TEX14: variants seen among roughly 807,000 people sequenced by gnomAD.
TEX14 encodes inactive serine/threonine-protein kinase TEX14.
Under a neutral mutation model 178.6 loss-of-function variants are expected in TEX14, and 168 were observed. The ratio of observed to expected loss-of-function variants is 0.94; its 90% CI spans 0.83 to 1.07. The LOEUF is 1.07. TEX14 is among the 50% of genes least tolerant of loss of function. The pLI, the probability that TEX14 is intolerant of heterozygous loss-of-function variation, is 0.00. For synonymous variants in TEX14, 626 were observed against 634.1 expected, an observed-to-expected ratio of 0.99 and a Z score of 0.19; for missense variants, 1,730 against 1,753.6, an observed-to-expected ratio of 0.99 and a Z score of 0.24.
chr17:58,575,456 G>A (rs1272240733), intron 21 of TEX14, among the ~76,000 whole-genome samples: 1 of 152,088 alleles, frequency 6.6e-6, no homozygotes, highest in Non-Finnish European at 1.5e-5. Flanking sequence ...TGAGACCAGT[G>A]ATATAAATGA....
At position 58,621,771 on chromosome 17, in the gene TEX14, G is replaced by C. The variant is rs1000995923; in HGVS notation, c.433C>G (p.Gln145Glu). 6.2e-7 allele frequency: 1 copy of C among 1,613,682 alleles called. No homozygotes were observed. Among genetic ancestry groups the C allele is most frequent in the Admixed American group, 1.7e-5 (1 of 59,908 alleles). ...ERSTQIVEFM[Q>E]RCASHMQAII... ...GCCTGCATGTGTGAGGCACAGCGCT[G>C]CATGAACTCCACTATCTGCAAAACA... The change falls in exon 5 of 32, where the codon CAG (glutamine) becomes GAG (glutamate). Residue 145 changes from glutamine (Q) to glutamate (E), a missense_variant. By Grantham distance (29) the Gln-to-Glu change is conservative. Around this residue, in one of 2 missense-constraint regions of TEX14, gnomAD observed 789 missense variants for 681.2 expected, o/e 1.16. Coordinates refer to ENST00000349033, the MANE Select transcript of TEX14 (RefSeq NM_031272.5).
At chr17:58,679,700 G>A (rs542232538) in intron 1 of TEX14, 52 of 152,250 alleles carry the variant, frequency 3.4e-4, no homozygotes, top group African/African-American at 1.1e-3. Context: ...TGAGTCCCCA[G>A]CGCTGCCTGA....
intron 15 of TEX14, 107 bp downstream of exon 15, chr17:58,593,448 C>T (rs2045205793): frequency 1.2e-6 from 1 of 831,044 alleles, no homozygotes; most frequent in Non-Finnish European, 2.0e-6. Context: ...TTCTTCATCA[C>T]TCACAGTCCT....
At chr17:58,581,527 A>T (rs1413884759) in intron 19 of TEX14, 8 of 1,445,468 alleles carry the variant, frequency 5.5e-6, no homozygotes, top group Non-Finnish European at 7.7e-6. Context: ...ACATACTTTG[A>T]TATGTAAGCT....
intron 21 of TEX14, among the ~76,000 whole-genome samples, chr17:58,575,671 C>T (rs1465935548): frequency 6.6e-6 from 1 of 152,112 alleles, no homozygotes; most frequent in African/African-American, 2.4e-5. Flanking sequence ...CACAACTCAC[C>T]GTGTTCCATT....
At chr17:58,623,234 A>C (rs1450680411) in intron 3 of TEX14, among the ~76,000 whole-genome samples, 1 of 151,058 alleles carries the variant, frequency 6.6e-6, no homozygotes, top group Non-Finnish European at 1.5e-5. Flanking sequence ...TCCCTCCTTC[A>C]CTCAACCCTT....
At chr17:58,629,843 A>T (rs1040692206) in intron 3 of TEX14, among the ~76,000 whole-genome samples, 5 of 151,506 alleles carry the variant, frequency 3.3e-5, no homozygotes, top group Non-Finnish European at 7.4e-5. Flanking sequence ...TGAAAAAAAA[A>T]AAAAAATAAA....
At chr17:58,656,118 C>T (rs187567984) in intron 1 of TEX14, among the ~76,000 whole-genome samples, 4 of 151,470 alleles carry the variant, frequency 2.6e-5, no homozygotes, top group East Asian at 1.9e-4. Flanking sequence ...CTGGGCAACA[C>T]GGCGAAATGC....
chr17:58,565,578 G>T (rs561348256), intron 27 of TEX14, among the ~76,000 whole-genome samples, 169 bp downstream of exon 27: 17 of 152,270 alleles, frequency 1.1e-4, no homozygotes, highest in South Asian at 2.1e-4. Context: ...AGATTAAGAC[G>T]ACTGAGGCTC....
intron 26 of TEX14, among the ~76,000 whole-genome samples, chr17:58,568,330 C>T (rs1440987276): frequency 6.6e-6 from 1 of 152,168 alleles, no homozygotes; most frequent in Non-Finnish European, 1.5e-5. Context: ...GGGACAGGAG[C>T]TAAGGGTTAT....
chr17:58,567,800 G>A (rs762662463), intron 26 of TEX14: 2 of 152,198 alleles, frequency 1.3e-5, no homozygotes, highest in Non-Finnish European at 2.9e-5. Context: ...ATGAGGGAAG[G>A]CTTCTGCAGA....
rs948538157 is a variant in TEX14, at chr17:58,586,737, GAA to G, written c.2789-657_2789-656del. On this transcript the variant is annotated intron_variant, in intron 17 of 31. Coordinates refer to ENST00000349033, the MANE Select transcript of TEX14 (RefSeq NM_031272.5). ...CATTGTTTCATTGTAACTCTGATGA[GAA>G]AAAAAAAAAACAATCAATTCCCAGC... Among the ~76,000 whole-genome samples, 960 of 143,642 alleles carry G rather than the reference GAA, an allele frequency of 6.7e-3. 6 individuals carry two copies. Among genetic ancestry groups the G allele is most frequent in the African/African-American group, 0.023 (900 of 39,502 alleles). 94.2% of individuals were successfully genotyped at this position (143,642 alleles called of 152,430 possible).
intron 15 of TEX14, among the ~76,000 whole-genome samples, chr17:58,592,918 A>C: frequency 6.6e-6 from 1 of 152,268 alleles, no homozygotes; most frequent in Non-Finnish European, 1.5e-5. Context: ...ACATGCACGA[A>C]TATATGTGTA....
intron 16 of TEX14, 64 bp downstream of exon 16, chr17:58,587,832 A>G (rs1241686930): frequency 4.4e-6 from 6 of 1,360,640 alleles, no homozygotes; most frequent in Non-Finnish European, 6.3e-6. Flanking sequence ...GCACCAGCAG[A>G]GGGTGCCAGA....
intron 1 of TEX14, among the ~76,000 whole-genome samples, chr17:58,680,962 T>C (rs1014104817): frequency 2.0e-5 from 3 of 152,102 alleles, no homozygotes; most frequent in Admixed American, 6.6e-5. Flanking sequence ...TTTTCCATCT[T>C]TACAAAAGGA....
Position 58,571,991 on chromosome 17 carries a change from C to T in TEX14, c.3647G>A (p.Arg1216Gln), listed in dbSNP as rs187298992. The T allele has an allele frequency of 1.3e-5, 21 of 1,614,094 alleles. No individual in the cohort carries two copies. The highest frequency in any genetic ancestry group is 1.6e-4 in the Middle Eastern group (1 of 6,062). Residue 1216 changes from arginine to glutamine, a missense_variant, in exon 24 of 32, where the codon CGA (arginine) becomes CAA (glutamine). Transcript: ENST00000349033. ...QTLSDDFISV[R>Q]ERAKKLDSLL... ...AGAATCCAGTTTCTTTGCTCTCTCTCGGACACTTATAAAGTCATCAGACAA... is the reference window on the plus strand; with the variant it reads ...AGAATCCAGTTTCTTTGCTCTCTCTTGGACACTTATAAAGTCATCAGACAA...
At chr17:58,667,338 C>T (rs573704272) in intron 1 of TEX14, among the ~76,000 whole-genome samples, 12 of 152,286 alleles carry the variant, frequency 7.9e-5, no homozygotes, top group African/African-American at 2.6e-4. Flanking sequence ...GTTTGTAAAA[C>T]CTGCATTACT....
chr17:58,576,963 T>TA (rs1418868420), intron 21 of TEX14, among the ~76,000 whole-genome samples: 1 of 152,232 alleles, frequency 6.6e-6, no homozygotes, highest in Admixed American at 6.5e-5. Flanking sequence ...TTGGAGGTAT[T>TA]ATGGATAAAT....
In TEX14 at chr17:58,569,265, T is replaced by C; in HGVS notation, c.3818-5A>G. The C allele has an allele frequency of 6.2e-7, 1 of 1,613,268 alleles. No individual in the cohort carries two copies. The highest frequency in any genetic ancestry group is 2.2e-5 in the East Asian group (1 of 44,866). On this transcript the variant is annotated splice_polypyrimidine_tract_variant and splice_region_variant and intron_variant, in intron 25 of 31. Transcript: ENST00000349033. This position sits in a 1 kb window ranked among gnomAD's most constrained non-coding sequence, Gnocchi z 4.1. ...GATGCTGTGAGAAGGCTTCTACTAG[T>C]TTTTAAAAAAGACAAAAGGGAAAAT...
Sources: gnomAD v4.1 joint callset for allele counts (sites outside exome capture counted in the v4.1 genomes callset) on GRCh38, gnomAD v4.1.1 for gene constraint, gnomAD v4.1.1 regional missense constraint, Gnocchi (gnomAD v3.1) non-coding constraint, MANE v1.5 for transcripts, NCBI Gene and HGNC (gene_info 2026-07-23, HGNC 2026-07-21) for gene names.